The following B3GALNT2 variants were observed in gnomAD, a reference collection of about 807,000 sequenced individuals.
B3GALNT2 encodes the protein UDP-GalNAc:beta-1,3-N-acetylgalactosaminyltransferase 2.
Under a neutral mutation model 61.1 loss-of-function variants are expected in B3GALNT2, and 53 were observed. The ratio of observed to expected loss-of-function variants is 0.87; its 90% confidence interval spans 0.70 to 1.09. The LOEUF is 1.09. Ranked by LOEUF, B3GALNT2 falls within the 50% of genes least tolerant of loss-of-function variation. The pLI, the probability that B3GALNT2 is intolerant of heterozygous loss-of-function variation, is 0.00. For missense variants in B3GALNT2, 544 were observed against 623.0 expected, an observed-to-expected ratio of 0.87 and a Z score of 1.35; for synonymous variants, 223 against 237.4, an observed-to-expected ratio of 0.94 and a Z score of 0.56.
chr1:235,448,970 G>A lies in B3GALNT2; in HGVS notation c.*1236C>T, dbSNP rs1218893081. Reference sequence around the variant, plus strand: ...TAATAAAGGCTTTGAACCTACTAATGATTTTCTGATCTTATTTCATATTTA... The same window carrying A: ...TAATAAAGGCTTTGAACCTACTAATAATTTTCTGATCTTATTTCATATTTA... On this transcript the variant is annotated 3_prime_UTR_variant, in exon 12 of 12. Transcript: ENST00000366600. 28 of 487,266 alleles carry A rather than the reference G, an allele frequency of 5.7e-5. 1 individual carries two copies. The highest frequency in any genetic ancestry group is 4.2e-4 in the South Asian group (20 of 47,560). 30.2% of individuals were successfully genotyped at this position (487,266 alleles called of 1,614,324 possible). A position where few individuals can be genotyped will look rare whatever the true frequency, so the allele number is the denominator to read the frequency against.
In B3GALNT2 at chr1:235,457,360, T is replaced by C. The variant is rs1157972394; in HGVS notation, c.1025+1243A>G. Among the ~76,000 whole-genome samples, 5 of 152,198 alleles carry C rather than the reference T, an allele frequency of 3.3e-5. No homozygotes were observed. In the East Asian group the frequency reaches 9.6e-4, roughly 29 times the overall value. ...AAAAAAATAAAAAGTGAATACCCTTTATAGGTTTGGCCTAATCAGAGATAG... is the reference window on the plus strand; with the variant it reads ...AAAAAAATAAAAAGTGAATACCCTTCATAGGTTTGGCCTAATCAGAGATAG... On this transcript the variant is annotated intron_variant, in intron 8 of 11. Coordinates refer to ENST00000366600, the MANE Select transcript of B3GALNT2 (RefSeq NM_152490.5).
At position 235,504,296 on chromosome 1, in the gene B3GALNT2, A is replaced by G. The variant is rs1281359655; in HGVS notation, c.-44T>C. 6.8e-7 allele frequency: 1 copy of G among 1,476,438 alleles called. No individual in the cohort carries two copies. 91.5% of individuals were successfully genotyped at this position (1,476,438 alleles called of 1,614,324 possible). Reference sequence around the variant, plus strand: ...GCCGGGCTCTCCCGCGTCCCGGCGGAGAGGGAGGGGACCTGCAAGTGCGGA... The same window carrying G: ...GCCGGGCTCTCCCGCGTCCCGGCGGGGAGGGAGGGGACCTGCAAGTGCGGA... On this transcript the variant is annotated 5_prime_UTR_variant, in exon 1 of 12. Coordinates refer to ENST00000366600, the MANE Select transcript of B3GALNT2 (RefSeq NM_152490.5).
At chr1:235,483,799 A>G (rs1684666618) in intron 4 of B3GALNT2, among the ~76,000 whole-genome samples, 1 of 152,218 alleles carries the variant, frequency 6.6e-6, no homozygotes, top group Non-Finnish European at 1.5e-5. Flanking sequence ...ATACATTTCC[A>G]TGCTGCTACT....
chr1:235,442,739 T>C (rs762480861), downstream of B3GALNT2: 6 of 971,878 alleles, frequency 6.2e-6, no homozygotes, highest in Middle Eastern at 2.1e-4. Flanking sequence ...TGATTAGACC[T>C]GCCAATTTGC....
chr1:235,441,772 G>A, the B3GALNT2 span: 1 of 1,562,124 alleles, frequency 6.4e-7, no homozygotes, highest in South Asian at 1.1e-5. Flanking sequence ...TACTTATAGT[G>A]GCCTTTGGTT....
intron 4 of B3GALNT2, among the ~76,000 whole-genome samples, chr1:235,480,624 G>T (rs1206805045): frequency 6.6e-6 from 1 of 152,060 alleles, no homozygotes; most frequent in Non-Finnish European, 1.5e-5. Context: ...GAGGACTGGA[G>T]CCAGGTGCAG....
In B3GALNT2 at chr1:235,455,575, T is replaced by G. The variant is rs370330608; in HGVS notation, c.1135A>C (p.Asn379His). ...RIVQKNLDGP[N>H]FWWGNFRLNW... ...TTAACTTACTTTCCCCACCAAAAAT[T>G]AGGCCCATCCAGATTCTTTTGGACA... The change falls in exon 9 of 12, where the codon AAT becomes CAT. Residue 379 changes from asparagine (N) to histidine (H), a missense_variant. Asn to His is a moderately conservative substitution (Grantham distance 68). Coordinates refer to ENST00000366600, the MANE Select transcript of B3GALNT2 (RefSeq NM_152490.5). The G allele has an allele frequency of 1.9e-6, 3 of 1,612,800 alleles. No individual in the cohort carries two copies. Among genetic ancestry groups the G allele is most frequent in the Non-Finnish European group, 2.5e-6 (3 of 1,178,908 alleles).
downstream of B3GALNT2, among the ~76,000 whole-genome samples, chr1:235,446,012 A>G (rs1372285291): frequency 1.3e-5 from 2 of 152,130 alleles, no homozygotes; most frequent in African/African-American, 4.8e-5. Flanking sequence ...AAATAAATTG[A>G]GTTCTTCAGT....
intron 7 of B3GALNT2, among the ~76,000 whole-genome samples, chr1:235,460,451 AT>A (rs1231872421): frequency 4.8e-5 from 6 of 125,108 alleles, no homozygotes; most frequent in South Asian, 2.9e-4. Context: ...GCCATGTTTT[AT>A]TTAAAAAAAA....
intron 7 of B3GALNT2, among the ~76,000 whole-genome samples, chr1:235,463,238 G>A (rs534202126): frequency 2.6e-5 from 4 of 152,186 alleles, no homozygotes; most frequent in Admixed American, 6.5e-5. Context: ...GGACAGGGTG[G>A]GAGGGGGTAG....
intron 5 of B3GALNT2, among the ~76,000 whole-genome samples, chr1:235,477,685 AT>A (rs1481719975): frequency 6.6e-6 from 1 of 152,112 alleles, no homozygotes; most frequent in African/African-American, 2.4e-5. Context: ...TACCCACTAG[AT>A]GCCAGTATCA....
intron 4 of B3GALNT2, among the ~76,000 whole-genome samples, chr1:235,483,259 T>C (rs1437609429): frequency 6.6e-6 from 1 of 152,152 alleles, no homozygotes; most frequent in African/African-American, 2.4e-5. Flanking sequence ...AGTCTTGTGA[T>C]CTGCAGGACA....
In B3GALNT2 at chr1:235,447,509, A is replaced by G. The variant is rs1414941746; in HGVS notation, c.*2697T>C. Reference sequence around the variant, plus strand: ...GCCTGGCAGTCACTTGTGTATGTTTAATACAGTTACACATGATGTAATTAC... The same window carrying G: ...GCCTGGCAGTCACTTGTGTATGTTTGATACAGTTACACATGATGTAATTAC... On this transcript the variant is annotated 3_prime_UTR_variant, in exon 12 of 12. Coordinates refer to ENST00000366600, the MANE Select transcript of B3GALNT2 (RefSeq NM_152490.5). Among the ~76,000 whole-genome samples the G allele has an allele frequency of 4.6e-5, 7 of 152,218 alleles. No individual in the cohort carries two copies. Among genetic ancestry groups the G allele is most frequent in the South Asian group, 2.1e-4 (1 of 4,836 alleles).
At chr1:235,442,008 A>AT in the B3GALNT2 span, 44,414 of 584,694 alleles carry the variant, frequency 0.076, 7 homozygotes, top group East Asian at 0.099. Context: ...TTAAATGAAA[A>AT]TTTTTTTTTT....
rs371613038 is a variant in B3GALNT2, at chr1:235,489,261, C to G, written c.268G>C (p.Val90Leu). ...QHPTLSQRVL[V>L]KFIIGAHGCE... ...CCATGAGCACCTATTATGAACTTCA[C>G]AAGCACACTGAGAGATGTGTTGGCA... Residue 90 changes from valine to leucine, a missense_variant, in exon 3 of 12, where the codon GTG becomes CTG. Transcript: ENST00000366600. 10 of 1,613,764 alleles carry G rather than the reference C, an allele frequency of 6.2e-6. No homozygotes were observed. The South Asian group carries it at 9.9e-5, about 16-fold the overall frequency.
At chr1:235,443,685 C>T (rs1463714957), downstream of B3GALNT2, among the ~76,000 whole-genome samples, 1 of 152,150 alleles carries the variant, frequency 6.6e-6, no homozygotes, top group African/African-American at 2.4e-5. Flanking sequence ...AGGTTTGTGA[C>T]TTTGCTTACA....
the B3GALNT2 span, among the ~76,000 whole-genome samples, chr1:235,440,381 G>C: frequency 8.6e-5 from 13 of 152,004 alleles, no homozygotes; most frequent in African/African-American, 2.9e-4. Flanking sequence ...GTTTATGTCT[G>C]AGGCATCCGT....
intron 7 of B3GALNT2, chr1:235,465,382 T>C (rs374749676): frequency 9.1e-4 from 355 of 391,182 alleles, no homozygotes; most frequent in African/African-American, 7.6e-3. Context: ...GCATCAGTAG[T>C]TGTTAGGGGG....
chr1:235,486,375 GT>G (rs1183015728), intron 3 of B3GALNT2, among the ~76,000 whole-genome samples: 1 of 152,146 alleles, frequency 6.6e-6, no homozygotes, highest in Admixed American at 6.5e-5. Context: ...GATATCCATA[GT>G]AGAAACCTCT....
Sources: gnomAD v4.1 joint callset for allele counts (sites outside exome capture counted in the v4.1 genomes callset) on GRCh38, gnomAD v4.1.1 for gene constraint, MANE v1.5 for transcripts, NCBI Gene and HGNC (gene_info 2026-07-23, HGNC 2026-07-21) for gene names.